The following TFDP2 variants were observed in gnomAD, a reference collection of about 807,000 sequenced individuals.
The protein encoded by TFDP2 is transcription factor Dp-2.
In TFDP2, 17 loss-of-function variants were observed where a neutral mutation model predicts 59.3. The ratio of observed to expected loss-of-function variants is 0.29; its 90% confidence interval spans 0.20 to 0.43. TFDP2 has a LOEUF of 0.43. Among genes scored for constraint, TFDP2 ranks in the 20% least tolerant of loss-of-function variants. TFDP2 has a pLI of 1.00. For missense variants in TFDP2, 391 were observed against 528.8 expected (o/e 0.74, Z 2.56); for synonymous variants, 180 against 194.7 (o/e 0.92, Z 0.63).
At position 141,953,004 on chromosome 3, in the gene TFDP2, C is replaced by A; in HGVS notation, c.1064G>T (p.Gly355Val). 1 of 1,612,974 alleles carries A rather than the reference C, an allele frequency of 6.2e-7. No homozygotes were observed. The highest frequency in any genetic ancestry group is 2.2e-5 in the East Asian group (1 of 44,888). The change falls in exon 12 of 13, where the codon GGA becomes GTA. Residue 355 changes from glycine to valine, a missense_variant. Transcript: ENST00000489671. ...LEGYITDISTGPSWLNQGLLL... is the reference protein window; with the variant it reads ...LEGYITDISTVPSWLNQGLLL... ...TAGTCCCTGATTTAACCAAGAAGGT[C>A]CTGTGGAGATATCTAAAGGAAAAAA...
intron 3 of TFDP2, among the ~76,000 whole-genome samples, chr3:142,052,335 T>C (rs1323677216): frequency 1.3e-5 from 2 of 151,340 alleles, no homozygotes; most frequent in Non-Finnish European, 2.9e-5. Flanking sequence ...CAGGAGATCA[T>C]GACCATCCTG....
chr3:142,139,193 C>CT (rs1000698579), intron 1 of TFDP2, among the ~76,000 whole-genome samples: 2 of 151,902 alleles, frequency 1.3e-5, no homozygotes, highest in East Asian at 1.9e-4. Context: ...GCAACCCCTG[C>CT]TTTTTTTTGC....
chr3:142,129,887 A>G (rs1422933677), intron 1 of TFDP2, among the ~76,000 whole-genome samples: 1 of 152,152 alleles, frequency 6.6e-6, no homozygotes, highest in Non-Finnish European at 1.5e-5. Flanking sequence ...AACCACAATG[A>G]GATACCACCT....
chr3:142,044,114 T>C, intron 3 of TFDP2: 2 of 621,982 alleles, frequency 3.2e-6, no homozygotes, highest in African/African-American at 1.8e-5. Context: ...ATTTCACTGG[T>C]CTCATTCGGG....
intron 7 of TFDP2, among the ~76,000 whole-genome samples, 169 bp downstream of exon 7, chr3:141,978,350 CA>C (rs1004847814): frequency 6.0e-5 from 4 of 67,194 alleles, no homozygotes; most frequent in East Asian, 3.6e-4. Context: ...GCCTAAAAAA[CA>C]AAAAAAAAGG....
intron 1 of TFDP2, among the ~76,000 whole-genome samples, chr3:142,135,774 T>C (rs931538156): frequency 6.6e-6 from 1 of 152,136 alleles, no homozygotes; most frequent in African/African-American, 2.4e-5. Flanking sequence ...ATGGGGTATA[T>C]GTGCCACAAT....
At chr3:142,001,067 C>T (rs905236923) in intron 4 of TFDP2, among the ~76,000 whole-genome samples, 5 of 152,186 alleles carry the variant, frequency 3.3e-5, no homozygotes, top group South Asian at 2.1e-4. Flanking sequence ...AGCAACCCCG[C>T]GCACCTCAGC....
rs1337251070 is a variant in TFDP2 at position 142,090,500 on chromosome 3, C to G, written c.82+2561G>C. Among the ~76,000 whole-genome samples, 14 of 152,074 alleles carry G rather than the reference C, an allele frequency of 9.2e-5. 1 individual carries two copies. Among genetic ancestry groups the G allele is most frequent in the Admixed American group, 9.2e-4 (14 of 15,242 alleles). On this transcript the variant is annotated intron_variant, in intron 3 of 12. Transcript: ENST00000489671. ...TACCATCAAAGACAATCTTTCTCAC[C>G]TAAACCCCCATTCTCTTTCTTTGTC...
rs1935141396 is a variant in TFDP2 at position 141,945,478 on chromosome 3, G to A, written c.*7035C>T. The A allele has an allele frequency of 6.6e-6, 1 of 152,424 alleles. No homozygotes were observed. The highest frequency in any genetic ancestry group is 2.4e-5 in the African/African-American group (1 of 41,586). The allele number at this position is 152,424 out of a possible 1,614,324, so 9.4% of individuals were successfully genotyped here. A position where few individuals can be genotyped will look rare whatever the true frequency, so the allele number is the denominator to read the frequency against. ...CAAGAGTGATGGTGGTGAACCAAGTGCGTGAAGGAACTCAGTACTGAAACG... is the reference window on the plus strand; with the variant it reads ...CAAGAGTGATGGTGGTGAACCAAGTACGTGAAGGAACTCAGTACTGAAACG... On this transcript the variant is annotated 3_prime_UTR_variant, in exon 13 of 13. Coordinates refer to ENST00000489671, the MANE Select transcript of TFDP2 (RefSeq NM_001178139.2).
intron 6 of TFDP2, among the ~76,000 whole-genome samples, chr3:141,984,480 C>T (rs34486172): frequency 0.12 from 17,738 of 151,766 alleles, 1,278 homozygotes; most frequent in East Asian, 0.18. Context: ...GGCGACAGAG[C>T]GAAACTCCGT....
At chr3:141,984,949 C>G (rs1334928485) in intron 6 of TFDP2, among the ~76,000 whole-genome samples, 1 of 151,574 alleles carries the variant, frequency 6.6e-6, no homozygotes, top group Admixed American at 6.6e-5. Flanking sequence ...TACATTGCTC[C>G]TTGTGGAGCA....
intron 3 of TFDP2, among the ~76,000 whole-genome samples, chr3:142,015,297 T>C (rs1576711200): frequency 2.0e-5 from 3 of 152,182 alleles, no homozygotes; most frequent in Admixed American, 1.3e-4. Flanking sequence ...ATTACATCTA[T>C]TCCTTGAACT....
intron 9 of TFDP2, among the ~76,000 whole-genome samples, chr3:141,968,087 CAG>C (rs1295194706): frequency 6.6e-6 from 1 of 151,114 alleles, no homozygotes; most frequent in African/African-American, 2.4e-5. Context: ...ACAGGGACAA[CAG>C]AGAGGCTGCC....
At chr3:142,114,648 GT>G (rs572999087) in intron 1 of TFDP2, among the ~76,000 whole-genome samples, 3 of 148,998 alleles carry the variant, frequency 2.0e-5, no homozygotes, top group Admixed American at 6.7e-5. Context: ...CAGGATACAG[GT>G]TTTTTTTTTC....
chr3:142,009,667 G>A (rs1402659363), intron 3 of TFDP2, among the ~76,000 whole-genome samples: 1 of 148,944 alleles, frequency 6.7e-6, no homozygotes, highest in Non-Finnish European at 1.5e-5. Context: ...CCAAGATAGC[G>A]CCACTGCACT....
Position 141,970,150 on chromosome 3 carries a change from C to T in TFDP2, c.664-9G>A, listed in dbSNP as rs748896521. 17 of 1,613,490 alleles carry T rather than the reference C, an allele frequency of 1.1e-5. No homozygotes were observed. The highest frequency in any genetic ancestry group is 1.4e-5 in the Non-Finnish European group (17 of 1,179,494). On this transcript the variant is annotated splice_polypyrimidine_tract_variant and intron_variant, in intron 8 of 12. Coordinates refer to ENST00000489671, the MANE Select transcript of TFDP2 (RefSeq NM_001178139.2). ...CGCCTCTGCTTCTCTATCTTTAAAA[C>T]ATTGGTTACAAAATAATATGAACAT...
At position 142,042,737 on chromosome 3, in the gene TFDP2, CTTTTTTT is replaced by C. The variant is rs1162932187; in HGVS notation, c.83-37200_83-37194del. Among the ~76,000 whole-genome samples, 129 of 75,152 alleles carry C rather than the reference CTTTTTTT, an allele frequency of 1.7e-3. 2 individuals carry two copies. The South Asian group carries it at 0.055, about 32-fold the overall frequency. The allele number at this position is 75,152 out of a possible 152,430, so 49.3% of individuals were successfully genotyped here. On this transcript the variant is annotated intron_variant, in intron 3 of 12. Transcript: ENST00000489671. The stretch of plus-strand genomic sequence containing the variant: ...CTCTTTTCTACCTCTTGCCTGGACG[CTTTTTTT>C]TTTTTTTTTTTTTGAGACGGAGTTT...
At chr3:142,146,862 A>G (rs2063197954) in intron 1 of TFDP2, among the ~76,000 whole-genome samples, 1 of 152,160 alleles carries the variant, frequency 6.6e-6, no homozygotes, top group Admixed American at 6.5e-5. Context: ...CAAATAGTTG[A>G]AAACCCACAA....
At chr3:141,985,519 C>CAAAAAAAAAAAAAAAAA (rs61684289) in intron 6 of TFDP2, among the ~76,000 whole-genome samples, 1 of 74,428 alleles carries the variant, frequency 1.3e-5, no homozygotes, top group Non-Finnish European at 2.5e-5. Context: ...GACGCTGTCT[C>CAAAAAAAAAAAAAAAAA]AAAAAAAAAA....
Sources: allele counts gnomAD v4.1 joint callset (sites outside exome capture counted in the v4.1 genomes callset), GRCh38; gene constraint gnomAD v4.1.1; transcripts MANE v1.5; gene names NCBI Gene and HGNC (gene_info 2026-07-23, HGNC 2026-07-21).